The following HDGFL2 variants were observed in gnomAD, a reference collection of about 807,000 sequenced individuals.
HDGFL2 encodes hepatoma-derived growth factor-related protein 2.
HDGFL2 carries 36 observed loss-of-function variants against 77.1 expected under a neutral mutation model. That is an observed-to-expected ratio of 0.47 (90% CI 0.36 to 0.62). The LOEUF (loss-of-function observed/expected upper bound fraction) is 0.62, where lower values mean the gene tolerates loss of function less well. HDGFL2 is among the 20% of genes least tolerant of loss of function. The pLI, the probability that HDGFL2 is intolerant of heterozygous loss-of-function variation, is 0.00. For missense variants in HDGFL2, 976 were observed against 973.4 expected, an observed-to-expected ratio of 1.00 and a Z score of -0.04; for synonymous variants, 463 against 413.1, an observed-to-expected ratio of 1.12 and a Z score of -1.46.
chr19:4,488,917 C>T, intron 4 of HDGFL2, 41 bp downstream of exon 4: 1 of 1,461,674 alleles, frequency 6.8e-7, no homozygotes, highest in Admixed American at 2.1e-5. Context: ...CATCCCCTTG[C>T]CCTGATGTCT....
intron 3 of HDGFL2, among the ~76,000 whole-genome samples, chr19:4,484,977 T>G (rs1975324110): frequency 6.6e-6 from 1 of 151,470 alleles, no homozygotes; most frequent in South Asian, 2.1e-4. Flanking sequence ...GGCCAATTTT[T>G]TGTATTTTTT....
intron 3 of HDGFL2, among the ~76,000 whole-genome samples, chr19:4,483,366 C>A (rs922883799): frequency 2.0e-5 from 3 of 152,166 alleles, no homozygotes; most frequent in African/African-American, 7.2e-5. Flanking sequence ...GCGGGAGGAC[C>A]AGGCTAAGCC....
At position 4,493,681 on chromosome 19, in the gene HDGFL2, GCCTGT is replaced by G; in HGVS notation, c.679-19_679-15del. ...TCACGGTGGGGCTCCTGATGCTCAC[GCCTGT>G]CCCTGCTTCTCCCCAGAAGGCGCCA... is the stretch of plus-strand genomic sequence containing the variant. On this transcript the variant is annotated splice_polypyrimidine_tract_variant and intron_variant, in intron 6 of 15. Coordinates refer to ENST00000616600, the MANE Select transcript of HDGFL2 (RefSeq NM_001001520.3). The G allele has an allele frequency of 6.9e-7, 1 of 1,440,958 alleles. No individual in the cohort carries two copies. Among genetic ancestry groups the G allele is most frequent in the Non-Finnish European group, 9.2e-7 (1 of 1,090,778 alleles). 89.3% of individuals were successfully genotyped at this position (1,440,958 alleles called of 1,614,324 possible).
chr19:4,493,279 TGTC>T (rs1431959989), intron 6 of HDGFL2, among the ~76,000 whole-genome samples: 2 of 143,694 alleles, frequency 1.4e-5, no homozygotes, highest in African/African-American at 2.6e-5. Flanking sequence ...GTGTGTGTGT[TGTC>T]TGTGTGTGGT....
intron 15 of HDGFL2, 41 bp from the exon 16 acceptor site, chr19:4,501,870 G>A: frequency 1.4e-6 from 2 of 1,382,166 alleles, no homozygotes; most frequent in Non-Finnish European, 1.9e-6. Context: ...CAGGGCAGGG[G>A]CGGGAGGGCA....
At chr19:4,497,701 G>A (rs554372819) in intron 10 of HDGFL2, 10 of 532,140 alleles carry the variant, frequency 1.9e-5, no homozygotes, top group Non-Finnish European at 2.7e-5. Context: ...CCATGTGAAC[G>A]AGGAAAAGAA....
Position 4,502,021 on chromosome 19 carries a change from G to A in HDGFL2, c.*11G>A. 6.6e-7 allele frequency: 1 copy of A among 1,514,478 alleles called. No individual in the cohort carries two copies. The highest frequency in any genetic ancestry group is 8.8e-7 in the Non-Finnish European group (1 of 1,135,298). The allele number at this position is 1,514,478 out of a possible 1,614,324, so 93.8% of individuals were successfully genotyped here. On this transcript the variant is annotated 3_prime_UTR_variant, in exon 16 of 16. Transcript: ENST00000616600. ...GACGAGGAGAGCTGAGCCGCGGGCA[G>A]CCAGGCCCAGCCCCCGCCCGAGCTC...
At chr19:4,476,792 C>T (rs1454788607) in intron 3 of HDGFL2, among the ~76,000 whole-genome samples, 1 of 151,806 alleles carries the variant, frequency 6.6e-6, no homozygotes, top group Non-Finnish European at 1.5e-5. Context: ...AGAAAGGTGC[C>T]TTACTCTGAG....
At chr19:4,499,839 G>A in intron 14 of HDGFL2, 135 bp downstream of exon 14, 1 of 736,132 alleles carries the variant, frequency 1.4e-6, no homozygotes. Flanking sequence ...GTCCTGTTGG[G>A]GTCTCCGTGC....
At chr19:4,494,918 TCAAAA>T (rs1368592250) in intron 9 of HDGFL2, among the ~76,000 whole-genome samples, 2 of 149,096 alleles carry the variant, frequency 1.3e-5, no homozygotes, top group Non-Finnish European at 3.0e-5. Context: ...AGACCCTGTC[TCAAAA>T]CAAAACAAAG....
At position 4,491,813 on chromosome 19, in the gene HDGFL2, C is replaced by G. The variant is rs778613432; in HGVS notation, c.656C>G (p.Pro219Arg). 1.8e-5 allele frequency: 29 copies of G among 1,613,854 alleles called. No individual in the cohort carries two copies. Among genetic ancestry groups the G allele is most frequent in the Non-Finnish European group, 2.5e-5 (29 of 1,180,010 alleles). Residue 219 changes from proline to arginine, a missense_variant, in exon 6 of 16, where the codon CCT becomes CGT. Coordinates refer to ENST00000616600, the MANE Select transcript of HDGFL2 (RefSeq NM_001001520.3). ...KAAVRAPRRG[P>R]LGGRKKKKAP... ...GCGGTCCGGGCGCCACGGAGGGGCC[C>G]TCTGGGGGGACGGAAAAAAAAGGTA...
At chr19:4,499,438 G>T (rs1437088748) in intron 13 of HDGFL2, 53 bp from the exon 14 acceptor site, 3 of 1,553,948 alleles carry the variant, frequency 1.9e-6, no homozygotes, top group African/African-American at 1.4e-5. Context: ...GTTCAGAGCC[G>T]GGGCTAGGGC....
rs1233011835 is a variant in HDGFL2 at position 4,502,016 on chromosome 19, G to C, written c.*6G>C. The C allele has an allele frequency of 3.3e-6, 5 of 1,517,358 alleles. No individual in the cohort carries two copies. Among genetic ancestry groups the C allele is most frequent in the East Asian group, 4.9e-5 (2 of 40,706 alleles). 94.0% of individuals were successfully genotyped at this position (1,517,358 alleles called of 1,614,324 possible). A position where few individuals can be genotyped will look rare whatever the true frequency, so the allele number is the denominator to read the frequency against. On this transcript the variant is annotated 3_prime_UTR_variant, in exon 16 of 16. Coordinates refer to ENST00000616600, the MANE Select transcript of HDGFL2 (RefSeq NM_001001520.3). ...CCCTGGACGAGGAGAGCTGAGCCGC[G>C]GGCAGCCAGGCCCAGCCCCCGCCCG...
intron 3 of HDGFL2, among the ~76,000 whole-genome samples, chr19:4,487,584 C>T (rs146220465): frequency 6.2e-4 from 94 of 152,254 alleles, no homozygotes; most frequent in African/African-American, 2.1e-3. Context: ...ACCATACGCC[C>T]GTGTTTTCTT....
Position 4,488,429 on chromosome 19 carries a change from T to C in HDGFL2, c.289-247T>C, listed in dbSNP as rs1176709715. Among the ~76,000 whole-genome samples, 4 of 152,196 alleles carry C rather than the reference T, an allele frequency of 2.6e-5. No homozygotes were observed. The East Asian group carries it at 7.7e-4, about 29-fold the overall frequency. The stretch of plus-strand genomic sequence containing the variant: ...CTGAAGCACAGAGGGTTGAAGTCAT[T>C]TGCCCCAGGTTTAACCCTGAAGCCC... On this transcript the variant is annotated intron_variant, in intron 3 of 15. Coordinates refer to ENST00000616600, the MANE Select transcript of HDGFL2 (RefSeq NM_001001520.3).
In HDGFL2 at chr19:4,499,581, G is replaced by A. The variant is rs1432876066; in HGVS notation, c.1666G>A (p.Glu556Lys). ...LKSRVLGPKI[E>K]AVQKVNKAGM... ...GTCGCGGGTCCTCGGCCCAAAGATC[G>A]AGGCGGTGCAGAAAGTGAACAAGGC... is the stretch of plus-strand genomic sequence containing the variant. Residue 556 changes from glutamate to lysine, a missense_variant, in exon 14 of 16, where the codon GAG (glutamate) becomes AAG (lysine). This residue lies in a region of HDGFL2 where 229 missense variants were observed against 187.3 expected (regional missense o/e 1.22). Coordinates refer to ENST00000616600, the MANE Select transcript of HDGFL2 (RefSeq NM_001001520.3). 9.3e-6 allele frequency: 15 copies of A among 1,612,492 alleles called. No homozygotes were observed. The highest frequency in any genetic ancestry group is 7.7e-5 in the South Asian group (7 of 90,786).
intron 3 of HDGFL2, among the ~76,000 whole-genome samples, chr19:4,486,884 C>T (rs1023031346): frequency 4.1e-4 from 62 of 152,324 alleles, no homozygotes; most frequent in African/African-American, 1.4e-3. Context: ...TACCCCTTCC[C>T]ATGCTTCTGA....
At chr19:4,473,549 T>C (rs1295961934) in intron 1 of HDGFL2, among the ~76,000 whole-genome samples, 2 of 151,524 alleles carry the variant, frequency 1.3e-5, no homozygotes, top group Non-Finnish European at 2.9e-5. Flanking sequence ...AAGCACTCCC[T>C]TGTGGGTCCT....
At chr19:4,497,923 G>C (rs1219255458) in intron 10 of HDGFL2, 35 bp from the exon 11 acceptor site, 1 of 1,541,064 alleles carries the variant, frequency 6.5e-7, no homozygotes, top group Admixed American at 2.0e-5. Flanking sequence ...GAGTGCCGGT[G>C]ACGGGGCCCG....
Sources: gnomAD v4.1 joint callset for allele counts (sites outside exome capture counted in the v4.1 genomes callset) on GRCh38, gnomAD v4.1.1 for gene constraint, gnomAD v4.1.1 regional missense constraint, MANE v1.5 for transcripts, NCBI Gene and HGNC (gene_info 2026-07-23, HGNC 2026-07-21) for gene names.